TEX9: variants seen among roughly 807,000 people sequenced by gnomAD.
TEX9 encodes the protein testis expressed 9.
A neutral mutation model predicts 59.6 loss-of-function variants in TEX9; 74 were observed. The ratio of observed to expected loss-of-function variants is 1.24; its 90% CI spans 1.03 to 1.51. TEX9 has a LOEUF of 1.51. TEX9 is among the 40% of genes most tolerant of loss of function. The probability of loss-of-function intolerance (pLI) is 0.00; values close to 1 mark genes in which losing one functional copy is unlikely to be tolerated. For missense variants in TEX9, 522 were observed against 447.8 expected (o/e 1.17, Z -1.49); for synonymous variants, 186 against 152.2 (o/e 1.22, Z -1.64).
intron 1 of TEX9, among the ~76,000 whole-genome samples, chr15:56,355,327 G>T (rs144406408): frequency 7.2e-5 from 11 of 152,216 alleles, no homozygotes; most frequent in African/African-American, 2.4e-4. Flanking sequence ...TTTCTATATG[G>T]TGTGATATAT....
At chr15:56,261,749 T>C (rs576660710) in intron 1 of TEX9, among the ~76,000 whole-genome samples, 10 of 151,932 alleles carry the variant, frequency 6.6e-5, no homozygotes, top group Non-Finnish European at 1.5e-4. Flanking sequence ...TACCAGGTCA[T>C]TGAAGTAATG....
intron 1 of TEX9, among the ~76,000 whole-genome samples, chr15:56,307,946 C>A (rs1313103439): frequency 6.6e-6 from 1 of 152,152 alleles, no homozygotes; most frequent in Admixed American, 6.5e-5. Context: ...ATTTCATTGA[C>A]TGGTTATATC....
intron 1 of TEX9, among the ~76,000 whole-genome samples, chr15:56,332,969 T>G (rs1443208988): frequency 6.6e-6 from 1 of 152,094 alleles, no homozygotes; most frequent in Non-Finnish European, 1.5e-5. Context: ...AATTGAACCA[T>G]GAAGAAATCC....
At chr15:56,306,408 A>G (rs1393489818) in intron 1 of TEX9, among the ~76,000 whole-genome samples, 1 of 152,192 alleles carries the variant, frequency 6.6e-6, no homozygotes, top group Non-Finnish European at 1.5e-5. Flanking sequence ...ACCTATACAC[A>G]ATGGAATACT....
At chr15:56,333,840 A>G (rs1376422742) in intron 1 of TEX9, among the ~76,000 whole-genome samples, 12 of 152,200 alleles carry the variant, frequency 7.9e-5, no homozygotes, top group Non-Finnish European at 1.8e-4. Flanking sequence ...ATACAAAATC[A>G]TACAAAAATC....
At chr15:56,433,417 T>TA (rs33946688) in intron 12 of TEX9, among the ~76,000 whole-genome samples, 19 of 344 alleles carry the variant, frequency 0.055, no homozygotes, top group Non-Finnish European at 0.1. Flanking sequence ...TCCTGGAACT[T>TA]AAAAATATTA....
Position 56,355,011 on chromosome 15 carries a change from G to C in TEX9, c.-106-18430G>C, listed in dbSNP as rs561791308. On this transcript the variant is annotated intron_variant, in intron 1 of 5. Transcript: ENST00000560827. ...AAAATTTACCTATTTTAAGTGTATA[G>C]TTTAGTAAGCTTTGGCATTTATATA... Among the ~76,000 whole-genome samples, 8 of 152,262 alleles carry C rather than the reference G, an allele frequency of 5.3e-5. No individual in the cohort carries two copies. In the South Asian group the frequency reaches 1.7e-3, roughly 32 times the overall value.
chr15:56,426,638 AACACAC>A (rs142167770), intron 10 of TEX9, among the ~76,000 whole-genome samples: 2 of 78,184 alleles, frequency 2.6e-5, no homozygotes, highest in African/African-American at 4.1e-5. Context: ...CACACACACA[AACACAC>A]ACACACACAC....
At chr15:56,439,671 A>C (rs1325323245) in intron 12 of TEX9, among the ~76,000 whole-genome samples, 1 of 152,000 alleles carries the variant, frequency 6.6e-6, no homozygotes, top group African/African-American at 2.4e-5. Flanking sequence ...CCAATGGCAA[A>C]AACTGTATTT....
intron 1 of TEX9, among the ~76,000 whole-genome samples, chr15:56,308,090 T>C (rs564802012): frequency 6.6e-6 from 1 of 152,186 alleles, no homozygotes; most frequent in Non-Finnish European, 1.5e-5. Context: ...TCAGTATATA[T>C]CTAGGAGTGA....
intron 1 of TEX9, among the ~76,000 whole-genome samples, chr15:56,290,576 C>T (rs951351641): frequency 4.6e-5 from 7 of 151,992 alleles, no homozygotes; most frequent in Non-Finnish European, 7.4e-5. Flanking sequence ...CTCAGCCTCC[C>T]GAGTTGCTGG....
At chr15:56,358,959 C>T (rs1204681319) in intron 1 of TEX9, among the ~76,000 whole-genome samples, 5 of 152,140 alleles carry the variant, frequency 3.3e-5, no homozygotes, top group Admixed American at 3.3e-4. Flanking sequence ...CCTGAGGCCT[C>T]CCCAGCCATG....
chr15:56,319,525 C>T (rs746269022), intron 1 of TEX9, among the ~76,000 whole-genome samples: 1 of 152,072 alleles, frequency 6.6e-6, no homozygotes, highest in Non-Finnish European at 1.5e-5. Context: ...GGTACCCTTT[C>T]AAGCTTTTCG....
intron 1 of TEX9, among the ~76,000 whole-genome samples, chr15:56,339,421 A>AATAACT (rs1206627813): frequency 1.3e-5 from 2 of 148,370 alleles, no homozygotes; most frequent in Non-Finnish European, 3.0e-5. Flanking sequence ...AAAACAGGAG[A>AATAACT]ATAACTTAGC....
At chr15:56,369,974 C>CT (rs10653703) in intron 2 of TEX9, among the ~76,000 whole-genome samples, 3 of 151,436 alleles carry the variant, frequency 2.0e-5, no homozygotes, top group African/African-American at 7.3e-5. Context: ...TATGCAGTGT[C>CT]TATCTTTCTT....
chr15:56,341,295 A>T (rs1452148559), intron 1 of TEX9, among the ~76,000 whole-genome samples: 2 of 152,122 alleles, frequency 1.3e-5, no homozygotes, highest in Non-Finnish European at 2.9e-5. Context: ...CATACTTCTT[A>T]AATGCCAGCG....
At chr15:56,431,447 T>TAATA (rs2050593284) in intron 12 of TEX9, 4 of 1,613,738 alleles carry the variant, frequency 2.5e-6, no homozygotes, top group Non-Finnish European at 3.4e-6. Flanking sequence ...ATAATTGCAT[T>TAATA]AATAAATCCT....
At chr15:56,311,403 T>G (rs1403079173) in intron 1 of TEX9, among the ~76,000 whole-genome samples, 4 of 140,906 alleles carry the variant, frequency 2.8e-5, no homozygotes, top group African/African-American at 1.0e-4. Context: ...GTTTGGTTTT[T>G]TGTTCTTGCG....
At chr15:56,446,541 CATG>C (rs1255604670), downstream of TEX9, among the ~76,000 whole-genome samples, 1 of 151,962 alleles carries the variant, frequency 6.6e-6, no homozygotes, top group Non-Finnish European at 1.5e-5. Flanking sequence ...ATACACTTAT[CATG>C]GTAACAATTT....
Sources: gnomAD v4.1 joint callset for allele counts (sites outside exome capture counted in the v4.1 genomes callset) on GRCh38, gnomAD v4.1.1 for gene constraint, MANE v1.5 for transcripts, NCBI Gene and HGNC (gene_info 2026-07-23, HGNC 2026-07-21) for gene names.